Variants in DDX19B observed in about 807,000 individuals in gnomAD.
The protein encoded by DDX19B is DEAD-box helicase 19B.
In DDX19B, 27 loss-of-function variants were observed where a neutral mutation model predicts 58.1. The ratio of observed to expected loss-of-function variants is 0.46; its 90% CI spans 0.34 to 0.64. The LOEUF (loss-of-function observed/expected upper bound fraction) is 0.64, where lower values mean the gene tolerates loss of function less well. Ranked by LOEUF, DDX19B falls within the 30% of genes least tolerant of loss-of-function variation. DDX19B has a pLI of 0.01. For synonymous variants in DDX19B, 187 were observed against 214.4 expected (o/e 0.87, Z 1.12); for missense variants, 399 against 596.5 (o/e 0.67, Z 3.45).
At chr16:70,294,569 G>C (rs1961152017), upstream of DDX19B, among the ~76,000 whole-genome samples, 2 of 152,212 alleles carry the variant, frequency 1.3e-5, no homozygotes, top group South Asian at 4.1e-4. Flanking sequence ...TGACCACTAT[G>C]TGTTAGTCAC....
chr16:70,290,681 G>A (rs1358890084), upstream of DDX19B, among the ~76,000 whole-genome samples: 2 of 152,194 alleles, frequency 1.3e-5, no homozygotes, highest in African/African-American at 4.8e-5. Flanking sequence ...GGGCGACAGA[G>A]CGAGGCCCTG....
chr16:70,292,864 G>A (rs2152177331), upstream of DDX19B, among the ~76,000 whole-genome samples: 1 of 152,054 alleles, frequency 6.6e-6, no homozygotes, highest in South Asian at 2.1e-4. Flanking sequence ...CCAACACTTT[G>A]GGAGGCCGAG....
chr16:70,292,206 C>T (rs1961075469), upstream of DDX19B, among the ~76,000 whole-genome samples: 1 of 152,112 alleles, frequency 6.6e-6, no homozygotes, highest in South Asian at 2.1e-4. Flanking sequence ...GTTGCCCAGG[C>T]TGGAGTGCAA....
chr16:70,302,176 C>T (rs2152184847), intron 1 of DDX19B, among the ~76,000 whole-genome samples: 1 of 152,270 alleles, frequency 6.6e-6, no homozygotes, highest in South Asian at 2.1e-4. Flanking sequence ...ATGCCTCAGC[C>T]TCCCAAAGTC....
chr16:70,308,750 G>A (rs1961914335), intron 1 of DDX19B, among the ~76,000 whole-genome samples: 1 of 150,612 alleles, frequency 6.6e-6, no homozygotes, highest in Non-Finnish European at 1.5e-5. Flanking sequence ...TGGCCTCAAG[G>A]GAGCCTCCCA....
At chr16:70,314,334 G>A (rs924391872) in intron 2 of DDX19B, among the ~76,000 whole-genome samples, 6 of 152,016 alleles carry the variant, frequency 3.9e-5, no homozygotes, top group African/African-American at 1.4e-4. Context: ...AACAGGTTTT[G>A]AGGTACGGAG....
chr16:70,305,154 C>T (rs756987353), intron 1 of DDX19B, among the ~76,000 whole-genome samples: 8 of 152,256 alleles, frequency 5.3e-5, no homozygotes, highest in Non-Finnish European at 1.2e-4. Context: ...AACTATATAT[C>T]TTTAGTGGTC....
chr16:70,302,467 T>A (rs973322073), intron 1 of DDX19B, among the ~76,000 whole-genome samples: 3 of 152,166 alleles, frequency 2.0e-5, no homozygotes, highest in African/African-American at 7.2e-5. Context: ...TTTTCCAACA[T>A]GTCATAAAAT....
chr16:70,316,364 C>T (rs1005992536), intron 4 of DDX19B, among the ~76,000 whole-genome samples: 5 of 152,216 alleles, frequency 3.3e-5, no homozygotes, highest in Non-Finnish European at 5.9e-5. Context: ...TGCACACCAC[C>T]ACGCCTGGCT....
chr16:70,329,776 C>T (rs1555549396), intron 8 of DDX19B, 55 bp from the exon 9 acceptor site: 3 of 1,607,880 alleles, frequency 1.9e-6, no homozygotes, highest in African/African-American at 1.3e-5. Context: ...GAAGGCTGTG[C>T]TTCTGTCGCT....
chr16:70,290,396 G>A (rs1270368244), upstream of DDX19B, among the ~76,000 whole-genome samples: 2 of 152,168 alleles, frequency 1.3e-5, no homozygotes, highest in Non-Finnish European at 2.9e-5. Flanking sequence ...TTAGCCGGGC[G>A]CGCATCTGTA....
At chr16:70,331,677 G>T (rs766430373) in intron 9 of DDX19B, 45 bp from the exon 10 acceptor site, 1 of 1,590,972 alleles carries the variant, frequency 6.3e-7, no homozygotes, top group Admixed American at 1.9e-5. Context: ...TCTTCCTTTT[G>T]TTTTTAACAG....
Position 70,333,761 on chromosome 16 carries a change from G to A in DDX19B, c.*179G>A, listed in dbSNP as rs1963605457. 8.9e-6 allele frequency: 8 copies of A among 899,168 alleles called. No individual in the cohort carries two copies. Among genetic ancestry groups the A allele is most frequent in the Non-Finnish European group, 1.2e-5 (7 of 580,352 alleles). 55.7% of individuals were successfully genotyped at this position (899,168 alleles called of 1,614,324 possible). The stretch of plus-strand genomic sequence containing the variant: ...AAATGTATGCAAATGATGGGGGATG[G>A]TAGAAAAAAATTATTTACACAACCT... On this transcript the variant is annotated 3_prime_UTR_variant, in exon 12 of 12. Transcript: ENST00000288071.
chr16:70,312,401 C>G (rs1039730789), intron 1 of DDX19B, among the ~76,000 whole-genome samples: 1 of 152,124 alleles, frequency 6.6e-6, no homozygotes, highest in African/African-American at 2.4e-5. Context: ...AGATTTGGAG[C>G]ATTTTTTTCC....
In DDX19B at chr16:70,331,865, C is replaced by G. The variant is rs1258359969; in HGVS notation, c.1167C>G (p.Thr389=). ...AGGGCAAAGAGAAGGTTTTGGTGACCACCAACGTGTGTGCCCGCGGTGAGC... is the reference window on the plus strand; with the variant it reads ...AGGGCAAAGAGAAGGTTTTGGTGACGACCAACGTGTGTGCCCGCGGTGAGC... ...FREGKEKVLV[T]TNVCARGIDV... The change falls in exon 10 of 12, where the codon ACC becomes ACG. Residue 389 remains threonine (T), a synonymous_variant. Transcript: ENST00000288071. The G allele has an allele frequency of 3.1e-6, 5 of 1,613,904 alleles. No individual in the cohort carries two copies. The Admixed American group carries it at 5.0e-5, about 16-fold the overall frequency.
chr16:70,303,780 C>T (rs1320201258), intron 1 of DDX19B, among the ~76,000 whole-genome samples: 1 of 151,628 alleles, frequency 6.6e-6, no homozygotes, highest in Non-Finnish European at 1.5e-5. Flanking sequence ...AGGATGGTCT[C>T]GACCTCCCGA....
chr16:70,312,540 T>C, intron 1 of DDX19B, 69 bp from the exon 2 acceptor site: 3 of 1,377,934 alleles, frequency 2.2e-6, no homozygotes, highest in Non-Finnish European at 3.1e-6. Context: ...TTAGGGAGGC[T>C]CTGTTGATTC....
chr16:70,293,866 C>T (rs990317526), upstream of DDX19B, among the ~76,000 whole-genome samples: 6 of 151,226 alleles, frequency 4.0e-5, no homozygotes, highest in Admixed American at 3.9e-4. Flanking sequence ...CCGCCTCGGC[C>T]TCCCAAAGTG....
At position 70,324,046 on chromosome 16, in the gene DDX19B, GGAGA is replaced by G. The variant is rs1347788117; in HGVS notation, c.390-533_390-530del. Among the ~76,000 whole-genome samples, 5 of 152,174 alleles carry G rather than the reference GGAGA, an allele frequency of 3.3e-5. No individual in the cohort carries two copies. In the South Asian group the frequency reaches 1.0e-3, roughly 32 times the overall value. On this transcript the variant is annotated intron_variant, in intron 5 of 11. Coordinates refer to ENST00000288071, the MANE Select transcript of DDX19B (RefSeq NM_007242.7). ...GGGCCCTGTGGTGGAACGAAGTAAG[GGAGA>G]GAGAGTAGTAGGAAATGAGAGCTGA...
Sources: allele counts gnomAD v4.1 joint callset (sites outside exome capture counted in the v4.1 genomes callset), GRCh38; gene constraint gnomAD v4.1.1; transcripts MANE v1.5; gene names NCBI Gene and HGNC (gene_info 2026-07-23, HGNC 2026-07-21).